Variants in AADAC observed in about 807,000 individuals in gnomAD.
The protein encoded by AADAC is arylacetamide deacetylase (esterase).
A neutral mutation model predicts 22.7 loss-of-function variants in AADAC; 17 were observed. The observed-to-expected ratio is 0.75, with a 90% CI of 0.51 to 1.12. The LOEUF (loss-of-function observed/expected upper bound fraction) is 1.12. AADAC is among the 50% of genes most tolerant of loss of function. AADAC has a pLI of 0.00. For synonymous variants in AADAC, 167 were observed against 176.3 expected (o/e 0.95, Z 0.42); for missense variants, 465 against 473.9 (o/e 0.98, Z 0.17).
rs964630138 is a variant in AADAC, at chr3:151,817,541, G to A, written c.314G>A (p.Arg105Lys). The A allele has an allele frequency of 3.7e-6, 6 of 1,613,792 alleles. No individual in the cohort carries two copies. In the Admixed American group the frequency reaches 8.3e-5, roughly 22 times the overall value. The change falls in exon 2 of 5, where the codon AGG becomes AAG. Residue 105 changes from arginine to lysine, a missense_variant. Coordinates refer to ENST00000232892, the MANE Select transcript of AADAC (RefSeq NM_001086.3). ...VPKRKSEALR[R>K]GLFYIHGGGW... ...AAGAGAAAGTCTGAAGCACTAAGAA[G>A]GGGGTTGTTTTACATCCATGGTGGA...
In AADAC at chr3:151,824,879, C is replaced by T. The variant is rs201940658; in HGVS notation, c.603+45C>T. 57 of 1,396,796 alleles carry T rather than the reference C, an allele frequency of 4.1e-5. 1 individual carries two copies. The Admixed American group carries it at 1.2e-3, about 30-fold the overall frequency. The allele number at this position is 1,396,796 out of a possible 1,614,324, so 86.5% of individuals were successfully genotyped here. ...GCTTTTTAAAAATAGCGTTTCTACG[C>T]TGTTTTAAAAACATATTTATAAACA... On this transcript the variant is annotated intron_variant, in intron 4 of 4. Coordinates refer to ENST00000232892, the MANE Select transcript of AADAC (RefSeq NM_001086.3).
Position 151,828,130 on chromosome 3 carries a change from A to T in AADAC, c.1158A>T (p.Arg386Ser). Residue 386 changes from arginine (R) to serine (S), a missense_variant, in exon 5 of 5, where the codon AGA becomes AGT. By Grantham distance (110) the Arg-to-Ser change is moderately radical. Transcript: ENST00000232892. The stretch of plus-strand genomic sequence containing the variant: ...TTCTGGGACTTAAAATTAGTCACAG[A>T]CTTATAAATCAGTATATTGAGTGGC... ...FSFLGLKISH[R>S]LINQYIEWLK... 6.2e-7 allele frequency: 1 copy of T among 1,605,820 alleles called. No individual in the cohort carries two copies. The highest frequency in any genetic ancestry group is 1.3e-5 in the African/African-American group (1 of 74,880).
chr3:151,814,462 T>C (rs1373601557), intron 1 of AADAC, among the ~76,000 whole-genome samples, 162 bp downstream of exon 1: 2 of 152,054 alleles, frequency 1.3e-5, no homozygotes, highest in Non-Finnish European at 2.9e-5. Flanking sequence ...TTGTTTGTTT[T>C]CTGTCTTATG....
intron 4 of AADAC, 72 bp from the exon 5 acceptor site, chr3:151,827,504 A>G: frequency 1.1e-6 from 1 of 931,050 alleles, no homozygotes; most frequent in South Asian, 1.7e-5. Flanking sequence ...AGATAGACAG[A>G]TAGATAATCT....
In AADAC at chr3:151,828,048, CTG is replaced by C; in HGVS notation, c.1077_1078del (p.Val361SerfsTer5). The C allele has an allele frequency of 6.2e-7, 1 of 1,613,290 alleles. No homozygotes were observed. The highest frequency in any genetic ancestry group is 1.1e-5 in the South Asian group (1 of 91,070). On this transcript the variant is annotated frameshift_variant, in exon 5 of 5. Transcript: ENST00000232892. LOFTEE classifies it low-confidence loss of function (END_TRUNC). ...ATGTATGTCACCCGACTTCGCAACA[CTG>C]GGGTTCAGGTGACTCATAACCATGT...
In AADAC at chr3:151,828,086, T is replaced by G; in HGVS notation, c.1114T>G (p.Phe372Val). 1 of 1,612,404 alleles carries G rather than the reference T, an allele frequency of 6.2e-7. No individual in the cohort carries two copies. The highest frequency in any genetic ancestry group is 8.5e-7 in the Non-Finnish European group (1 of 1,178,916). ...QVTHNHVEDGFHGAFSFLGLK... is the reference protein window; with the variant it reads ...QVTHNHVEDGVHGAFSFLGLK... ...GACTCATAACCATGTTGAGGATGGA[T>G]TCCATGGAGCATTTTCATTTCTGGG... The change falls in exon 5 of 5, where the codon TTC becomes GTC. Residue 372 changes from phenylalanine to valine, a missense_variant. Phe to Val is a conservative substitution (Grantham distance 50). Coordinates refer to ENST00000232892, the MANE Select transcript of AADAC (RefSeq NM_001086.3).
chr3:151,824,838 T>A lies in AADAC; in HGVS notation c.603+4T>A. Reference sequence around the variant, plus strand: ...AGCTGCAGCAGTGACTCAACAGGTATGTTCATAATTTCTATGCTTTTTAAA... The same window carrying A: ...AGCTGCAGCAGTGACTCAACAGGTAAGTTCATAATTTCTATGCTTTTTAAA... On this transcript the variant is annotated splice_donor_region_variant and intron_variant, in intron 4 of 4. Transcript: ENST00000232892. The A allele has an allele frequency of 6.5e-7, 1 of 1,545,484 alleles. No individual in the cohort carries two copies. Among genetic ancestry groups the A allele is most frequent in the East Asian group, 2.3e-5 (1 of 42,978 alleles).
chr3:151,825,986 G>A (rs1324532321), intron 4 of AADAC, among the ~76,000 whole-genome samples: 1 of 137,050 alleles, frequency 7.3e-6, no homozygotes, highest in South Asian at 2.5e-4. Context: ...TAGAAGTTAA[G>A]TAGAACATAT....
chr3:151,826,583 T>C (rs3772435), intron 4 of AADAC, among the ~76,000 whole-genome samples: 28,589 of 151,914 alleles, frequency 0.19, 2,931 homozygotes, highest in Middle Eastern at 0.24. Flanking sequence ...TCTATACATC[T>C]TTTATAGTAT....
In AADAC at chr3:151,817,497, T is replaced by G. The variant is rs373319784; in HGVS notation, c.270T>G (p.Leu90=). The G allele has an allele frequency of 1.9e-6, 3 of 1,613,680 alleles. No homozygotes were observed. The African/African-American group carries it at 4.0e-5, about 22-fold the overall frequency. ...CTGAGACAAAATTCAACAACATTCT[T>G]GTTCGGGTATATGTGCCAAAGAGAA... is the stretch of plus-strand genomic sequence containing the variant. ...TVTETKFNNI[L]VRVYVPKRKS... Residue 90 remains leucine (L), a synonymous_variant, in exon 2 of 5, where the codon CTT becomes CTG. Transcript: ENST00000232892.
chr3:151,821,090 G>A (rs1716234445), intron 3 of AADAC, among the ~76,000 whole-genome samples: 1 of 151,424 alleles, frequency 6.6e-6, no homozygotes, highest in Admixed American at 6.6e-5. Flanking sequence ...CTTTAAAAAT[G>A]AGTGCCCTGG....
chr3:151,820,094 T>C (rs1716173483), intron 2 of AADAC, among the ~76,000 whole-genome samples: 1 of 151,906 alleles, frequency 6.6e-6, no homozygotes, highest in Non-Finnish European at 1.5e-5. Flanking sequence ...TATACACAGT[T>C]GGGTTAATCT....
In AADAC at chr3:151,824,689, T is replaced by C; in HGVS notation, c.458T>C (p.Phe153Ser). 6.3e-7 allele frequency: 1 copy of C among 1,585,842 alleles called. No individual in the cohort carries two copies. The highest frequency in any genetic ancestry group is 8.6e-7 in the Non-Finnish European group (1 of 1,168,508). ...TACAGATTAGCACCTAAGTATCATT[T>C]CCCAATTCAATTTGAAGATGTATAT... ...TNYRLAPKYH[F>S]PIQFEDVYNA... Residue 153 changes from phenylalanine (F) to serine (S), a missense_variant, in exon 4 of 5, where the codon TTC becomes TCC. Coordinates refer to ENST00000232892, the MANE Select transcript of AADAC (RefSeq NM_001086.3).
chr3:151,817,129 T>C (rs1201869930), intron 1 of AADAC, among the ~76,000 whole-genome samples: 1 of 152,052 alleles, frequency 6.6e-6, no homozygotes, highest in Non-Finnish European at 1.5e-5. Flanking sequence ...CAAGGAGATA[T>C]ATTTTGGGAT....
At chr3:151,820,516 C>CTTTTT (rs34039248) in intron 3 of AADAC, 64 bp downstream of exon 3, 8,603 of 409,612 alleles carry the variant, frequency 0.021, 18 homozygotes, top group South Asian at 0.029. Flanking sequence ...TCTCAGCTTT[C>CTTTTT]TTTTTTTTTT....
At chr3:151,819,541 A>G (rs927071150) in intron 2 of AADAC, among the ~76,000 whole-genome samples, 2 of 152,038 alleles carry the variant, frequency 1.3e-5, no homozygotes, top group African/African-American at 4.8e-5. Flanking sequence ...ATAGATTGAA[A>G]TGAGAGTTAA....
intron 2 of AADAC, among the ~76,000 whole-genome samples, chr3:151,818,711 C>T (rs908433377): frequency 2.0e-5 from 3 of 152,046 alleles, no homozygotes; most frequent in African/African-American, 7.2e-5. Context: ...ATCAAGAAAC[C>T]TTTAAAATAT....
At position 151,828,320 on chromosome 3, in the gene AADAC, TACTGTGGGA is replaced by T; in HGVS notation, c.*149_*157del. On this transcript the variant is annotated 3_prime_UTR_variant, in exon 5 of 5. Transcript: ENST00000232892. ...AGGCACTTTTCTGTTTTTTTTTTCT[TACTGTGGGA>T]TTTCATTTCAATTTTCTACATTGTC... 1 of 437,820 alleles carries T rather than the reference TACTGTGGGA, an allele frequency of 2.3e-6. No individual in the cohort carries two copies. The allele number at this position is 437,820 out of a possible 1,614,324, so 27.1% of individuals were successfully genotyped here.
rs551535369 is a variant in AADAC, at chr3:151,817,734, C to T, written c.361+146C>T. The T allele has an allele frequency of 1.4e-4, 97 of 714,580 alleles. No individual in the cohort carries two copies. The Admixed American group carries it at 2.7e-3, about 20-fold the overall frequency. 44.3% of individuals were successfully genotyped at this position (714,580 alleles called of 1,614,324 possible). A position where few individuals can be genotyped will look rare whatever the true frequency, so the allele number is the denominator to read the frequency against. ...TTTGTTCTGGCAAAGTTTTACTTTT[C>T]CCTGAAGCTTTATATCACTCTTTTC... is the stretch of plus-strand genomic sequence containing the variant. On this transcript the variant is annotated intron_variant, in intron 2 of 4. Coordinates refer to ENST00000232892, the MANE Select transcript of AADAC (RefSeq NM_001086.3).
Sources: gnomAD v4.1 joint callset for allele counts (sites outside exome capture counted in the v4.1 genomes callset) on GRCh38, gnomAD v4.1.1 for gene constraint, MANE v1.5 for transcripts, NCBI Gene and HGNC (gene_info 2026-07-23, HGNC 2026-07-21) for gene names.